GALNT10: variants seen among roughly 807,000 people sequenced by gnomAD.
The protein encoded by GALNT10 is GalNAc transferase 10.
Under a neutral mutation model 75.0 loss-of-function variants are expected in GALNT10, and 41 were observed. The ratio of observed to expected loss-of-function variants is 0.55; its 90% CI spans 0.43 to 0.71. The LOEUF (loss-of-function observed/expected upper bound fraction) is 0.71, where lower values mean the gene tolerates loss of function less well. Among genes scored for constraint, GALNT10 ranks in the 30% least tolerant of loss-of-function variants. The probability of loss-of-function intolerance (pLI) is 0.00; values close to 1 mark genes in which losing one functional copy is unlikely to be tolerated. For synonymous variants in GALNT10, 302 were observed against 313.0 expected (o/e 0.96, Z 0.37); for missense variants, 727 against 818.5 (o/e 0.89, Z 1.36).
At chr5:154,332,372 G>A (rs566531614) in intron 4 of GALNT10, among the ~76,000 whole-genome samples, 1 of 152,180 alleles carries the variant, frequency 6.6e-6, no homozygotes, top group South Asian at 2.1e-4. Context: ...GCCACAGCAG[G>A]GCTCTCTGTC....
intron 1 of GALNT10, among the ~76,000 whole-genome samples, chr5:154,208,842 A>G (rs1311359179): frequency 6.6e-6 from 1 of 152,198 alleles, no homozygotes; most frequent in African/African-American, 2.4e-5. Flanking sequence ...TAGGAATGGC[A>G]GATAGAGGAA....
intron 3 of GALNT10, among the ~76,000 whole-genome samples, chr5:154,302,850 G>A (rs750833344): frequency 3.7e-4 from 57 of 152,090 alleles, no homozygotes; most frequent in Admixed American, 1.0e-3. Context: ...TAATAGTCCC[G>A]TATTATATTG....
intron 6 of GALNT10, among the ~76,000 whole-genome samples, chr5:154,381,109 T>C (rs1755726933): frequency 6.6e-6 from 1 of 152,150 alleles, no homozygotes; most frequent in Non-Finnish European, 1.5e-5. Context: ...CAAATGCAGG[T>C]CTGTCTGTCT....
At chr5:154,370,974 G>A (rs756221548) in intron 4 of GALNT10, among the ~76,000 whole-genome samples, 8 of 152,148 alleles carry the variant, frequency 5.3e-5, no homozygotes, top group Non-Finnish European at 1.2e-4. Context: ...TCCTATCTTA[G>A]TTTCCTAGGG....
chr5:154,276,488 C>T (rs2113046643), intron 1 of GALNT10, among the ~76,000 whole-genome samples: 1 of 152,158 alleles, frequency 6.6e-6, no homozygotes, highest in East Asian at 1.9e-4. Flanking sequence ...TCCTTTTTGC[C>T]ATATAACTTG....
intron 1 of GALNT10, among the ~76,000 whole-genome samples, chr5:154,239,598 C>T (rs1310204632): frequency 6.6e-6 from 1 of 152,142 alleles, no homozygotes; most frequent in Admixed American, 6.5e-5. Flanking sequence ...AAATTGTCTT[C>T]CACAAAACGA....
At chr5:154,391,362 C>T (rs1755893123) in intron 7 of GALNT10, among the ~76,000 whole-genome samples, 2 of 152,236 alleles carry the variant, frequency 1.3e-5, no homozygotes, top group Admixed American at 1.3e-4. Context: ...AGGGCTGATT[C>T]CAGACCGGAT....
chr5:154,291,072 C>G (rs1754187561), intron 1 of GALNT10, among the ~76,000 whole-genome samples: 1 of 152,156 alleles, frequency 6.6e-6, no homozygotes, highest in Non-Finnish European at 1.5e-5. Context: ...CAGTGTGCAT[C>G]ATAAGGCAAA....
intron 5 of GALNT10, among the ~76,000 whole-genome samples, chr5:154,379,986 G>A (rs981835863): frequency 2.6e-5 from 4 of 152,218 alleles, no homozygotes; most frequent in African/African-American, 9.6e-5. Flanking sequence ...AAGTGCTGGG[G>A]TGCCTACTGC....
At chr5:154,406,649 T>C (rs1756287805) in intron 8 of GALNT10, among the ~76,000 whole-genome samples, 1 of 151,818 alleles carries the variant, frequency 6.6e-6, no homozygotes, top group Non-Finnish European at 1.5e-5. Flanking sequence ...ATACAAAAAT[T>C]AGCCAGGCGT....
In GALNT10 at chr5:154,416,978, C is replaced by T. The variant is rs1450165338; in HGVS notation, c.*6C>T. On this transcript the variant is annotated 3_prime_UTR_variant, in exon 12 of 12. Coordinates refer to ENST00000297107, the MANE Select transcript of GALNT10 (RefSeq NM_198321.4). This position sits in a 1 kb window ranked among gnomAD's most constrained non-coding sequence, Gnocchi z 4.5. ...AAAAATTCAATAGGAACTGAGCCCT[C>T]ATGTCCCCTTGGCAGGCCCCCCAGG... The T allele has an allele frequency of 6.2e-7, 1 of 1,613,876 alleles. No individual in the cohort carries two copies. The highest frequency in any genetic ancestry group is 8.5e-7 in the Non-Finnish European group (1 of 1,179,788).
At chr5:154,359,055 AGT>A (rs1351666103) in intron 4 of GALNT10, among the ~76,000 whole-genome samples, 1 of 152,202 alleles carries the variant, frequency 6.6e-6, no homozygotes, top group Non-Finnish European at 1.5e-5. Flanking sequence ...AATATGCCAG[AGT>A]GTGACAGGCC....
At chr5:154,297,459 A>G (rs1487042594) in intron 2 of GALNT10, among the ~76,000 whole-genome samples, 2 of 152,236 alleles carry the variant, frequency 1.3e-5, no homozygotes, top group East Asian at 3.9e-4. Context: ...CAAATAGGCA[A>G]CTCTCATTTG....
At chr5:154,236,626 T>A (rs1753249990) in intron 1 of GALNT10, among the ~76,000 whole-genome samples, 1 of 152,218 alleles carries the variant, frequency 6.6e-6, no homozygotes, top group Non-Finnish European at 1.5e-5. Flanking sequence ...GGAATCAGGA[T>A]GTAATTTATG....
intron 4 of GALNT10, among the ~76,000 whole-genome samples, chr5:154,334,529 G>A (rs1162518018): frequency 6.6e-6 from 1 of 152,194 alleles, no homozygotes; most frequent in Non-Finnish European, 1.5e-5. Flanking sequence ...TAATTTGTTT[G>A]TTTTTATTCC....
chr5:154,328,540 G>T lies in GALNT10; in HGVS notation c.402-1032G>T, dbSNP rs549030328. ...ACCAAATGTGTGGGGCAGGGAGGGG[G>T]GCTCCCCGACAAGCAATTCTCCAGC... On this transcript the variant is annotated intron_variant, in intron 3 of 11. Transcript: ENST00000297107. Among the ~76,000 whole-genome samples, 7 of 152,318 alleles carry T rather than the reference G, an allele frequency of 4.6e-5. No individual in the cohort carries two copies. In the South Asian group the frequency reaches 1.0e-3, roughly 23 times the overall value.
At chr5:154,251,140 G>A (rs1581939210) in intron 1 of GALNT10, among the ~76,000 whole-genome samples, 2 of 152,202 alleles carry the variant, frequency 1.3e-5, no homozygotes, top group African/African-American at 4.8e-5. Context: ...AGCCACTACC[G>A]GCTAAAAAGT....
At chr5:154,252,820 G>A (rs1031032490) in intron 1 of GALNT10, among the ~76,000 whole-genome samples, 2 of 151,376 alleles carry the variant, frequency 1.3e-5, no homozygotes, top group Non-Finnish European at 1.5e-5. Context: ...CTTATTCAGG[G>A]GCTCATCTTA....
intron 1 of GALNT10, among the ~76,000 whole-genome samples, chr5:154,228,459 C>T (rs560372822): frequency 1.8e-4 from 28 of 152,308 alleles, no homozygotes; most frequent in South Asian, 1.2e-3. Context: ...AAGGCGGGCT[C>T]CTCCAGTAAA....
Sources: gnomAD v4.1 joint callset for allele counts (sites outside exome capture counted in the v4.1 genomes callset) on GRCh38, gnomAD v4.1.1 for gene constraint, Gnocchi (gnomAD v3.1) non-coding constraint, MANE v1.5 for transcripts, NCBI Gene and HGNC (gene_info 2026-07-23, HGNC 2026-07-21) for gene names.